Variants in ADAMTS17 observed in about 807,000 individuals in gnomAD.
ADAMTS17 encodes ADAM metallopeptidase with thrombospondin type 1 motif 17.
Under a neutral mutation model 141.5 loss-of-function variants are expected in ADAMTS17, and 113 were observed. The observed-to-expected ratio is 0.80, with a 90% CI of 0.69 to 0.93. ADAMTS17 has a LOEUF of 0.93. ADAMTS17 is among the 40% of genes least tolerant of loss of function. The pLI, the probability that ADAMTS17 is intolerant of heterozygous loss-of-function variation, is 0.00. For missense variants in ADAMTS17, 1,659 were observed against 1,517.9 expected, an observed-to-expected ratio of 1.09 and a Z score of -1.54; for synonymous variants, 768 against 630.6, an observed-to-expected ratio of 1.22 and a Z score of -3.27.
chr15:100,061,820 C>A (rs1160222823), intron 15 of ADAMTS17, among the ~76,000 whole-genome samples: 1 of 152,190 alleles, frequency 6.6e-6, no homozygotes, highest in African/African-American at 2.4e-5. Context: ...TCTTGGAATA[C>A]CCAGACTGCG....
At chr15:100,000,670 C>T (rs1482537496) in intron 18 of ADAMTS17, among the ~76,000 whole-genome samples, 3 of 152,090 alleles carry the variant, frequency 2.0e-5, no homozygotes, top group Non-Finnish European at 4.4e-5. Context: ...TGCGCCACCA[C>T]GCCTGACTAA....
intron 3 of ADAMTS17, among the ~76,000 whole-genome samples, chr15:100,292,755 G>A (rs554822540): frequency 3.3e-5 from 5 of 152,310 alleles, no homozygotes; most frequent in South Asian, 2.1e-4. Flanking sequence ...TTCCAGCCCA[G>A]GCATCCTTAT....
At position 100,265,194 on chromosome 15, in the gene ADAMTS17, C is replaced by T. The variant is rs927094869; in HGVS notation, c.790-2759G>A. Among the ~76,000 whole-genome samples the T allele has an allele frequency of 1.6e-3, 241 of 152,292 alleles. 1 individual carries two copies. The highest frequency in any genetic ancestry group is 2.6e-3 in the Non-Finnish European group (176 of 68,022). On this transcript the variant is annotated intron_variant, in intron 4 of 21. Transcript: ENST00000268070. The stretch of plus-strand genomic sequence containing the variant: ...ACAAGGCTCAGAGCACAGGGCAAGG[C>T]GCACGTTCAGAATCAACTGAGGTCC...
intron 18 of ADAMTS17, among the ~76,000 whole-genome samples, chr15:100,007,702 C>A (rs535376217): frequency 5.3e-5 from 8 of 151,940 alleles, no homozygotes; most frequent in African/African-American, 1.7e-4. Context: ...AGCTGGCCTG[C>A]GGTGGAAGGG....
At position 100,047,255 on chromosome 15, in the gene ADAMTS17, C is replaced by T. The variant is rs142079580; in HGVS notation, c.2591+1602G>A. Among the ~76,000 whole-genome samples, 141 of 131,912 alleles carry T rather than the reference C, an allele frequency of 1.1e-3. 1 individual carries two copies. Among genetic ancestry groups the T allele is most frequent in the African/African-American group, 4.5e-3 (138 of 30,596 alleles). The allele number at this position is 131,912 out of a possible 152,430, so 86.5% of individuals were successfully genotyped here. A position where few individuals can be genotyped will look rare whatever the true frequency, so the allele number is the denominator to read the frequency against. On this transcript the variant is annotated intron_variant, in intron 18 of 21. Transcript: ENST00000268070. Reference sequence around the variant, plus strand: ...AGACGTTATCAATGACAATGGTGCCCGAAACTTCATTAGCAATTTTTCGCC... The same window carrying T: ...AGACGTTATCAATGACAATGGTGCCTGAAACTTCATTAGCAATTTTTCGCC...
At chr15:99,985,047 C>T (rs976497529) in intron 20 of ADAMTS17, among the ~76,000 whole-genome samples, 4 of 152,248 alleles carry the variant, frequency 2.6e-5, no homozygotes, top group Admixed American at 1.3e-4. Context: ...TTTCCTGGGA[C>T]CTCGCTGCTC....
At chr15:100,199,917 G>A (rs1450516367) in intron 7 of ADAMTS17, among the ~76,000 whole-genome samples, 2 of 152,222 alleles carry the variant, frequency 1.3e-5, no homozygotes, top group Non-Finnish European at 2.9e-5. Flanking sequence ...GAGAGGGAGC[G>A]CCTCCTCACA....
Position 100,219,624 on chromosome 15 carries a change from T to C in ADAMTS17, c.1076-20201A>G, listed in dbSNP as rs185841682. ...TGCCTCCTAACGCATCCAGAGACCC[T>C]GGAATTTCACCTTCTAGTTGGCTCA... On this transcript the variant is annotated intron_variant, in intron 7 of 21. Transcript: ENST00000268070. 3.3e-3 allele frequency among the ~76,000 whole-genome samples: 497 copies of C among 152,300 alleles called. 2 individuals are homozygous for C. Among genetic ancestry groups the C allele is most frequent in the African/African-American group, 0.011 (461 of 41,564 alleles).
At chr15:100,120,093 C>G (rs1184175818) in intron 12 of ADAMTS17, among the ~76,000 whole-genome samples, 2 of 152,176 alleles carry the variant, frequency 1.3e-5, no homozygotes, top group African/African-American at 2.4e-5. Context: ...ATTATCAGAG[C>G]TGATCTTAAA....
rs988215214 is a variant in ADAMTS17 at position 99,994,810 on chromosome 15, C to T, written c.2797-1610G>A. On this transcript the variant is annotated intron_variant, in intron 19 of 21. Transcript: ENST00000268070. ...TCAATCTCCTGACTCGTGATCCACCCGACTTGGCCTCCCAAAGTGCTGGGA... is the reference window on the plus strand; with the variant it reads ...TCAATCTCCTGACTCGTGATCCACCTGACTTGGCCTCCCAAAGTGCTGGGA... Among the ~76,000 whole-genome samples the T allele has an allele frequency of 5.9e-5, 9 of 152,342 alleles. No individual in the cohort carries two copies. The East Asian group carries it at 9.6e-4, about 16-fold the overall frequency.
In ADAMTS17 at chr15:100,228,807, C is replaced by G. The variant is rs187975703; in HGVS notation, c.1075+25329G>C. Among the ~76,000 whole-genome samples the G allele has an allele frequency of 4.5e-3, 690 of 152,286 alleles. 4 individuals carry two copies. The highest frequency in any genetic ancestry group is 0.015 in the African/African-American group (635 of 41,570). On this transcript the variant is annotated intron_variant, in intron 7 of 21. Coordinates refer to ENST00000268070, the MANE Select transcript of ADAMTS17 (RefSeq NM_139057.4). ...CCAATGGTCTGGGGGAAGGAGCTGG[C>G]CTGCTCACTAGCCCCCCAACCCCAG...
intron 15 of ADAMTS17, among the ~76,000 whole-genome samples, chr15:100,093,288 G>A (rs527379834): frequency 4.4e-4 from 67 of 152,268 alleles, no homozygotes; most frequent in Non-Finnish European, 8.8e-4. Context: ...AGGAACTTTG[G>A]TAAGAGGACC....
intron 6 of ADAMTS17, among the ~76,000 whole-genome samples, chr15:100,254,575 G>C (rs117053084): frequency 0.014 from 2,145 of 152,284 alleles, 21 homozygotes; most frequent in Middle Eastern, 0.041. Flanking sequence ...GCAGCAACTG[G>C]TTTTTGATGC....
At chr15:100,194,629 T>G (rs971018792) in intron 8 of ADAMTS17, among the ~76,000 whole-genome samples, 4 of 152,104 alleles carry the variant, frequency 2.6e-5, no homozygotes, top group African/African-American at 9.7e-5. Flanking sequence ...CCAACCAGAG[T>G]TGAGCCTGAA....
intron 18 of ADAMTS17, among the ~76,000 whole-genome samples, chr15:100,025,027 C>T (rs1202253998): frequency 2.0e-5 from 3 of 152,194 alleles, no homozygotes; most frequent in African/African-American, 4.8e-5. Flanking sequence ...ATCACACAGT[C>T]AGGGAGATCG....
intron 7 of ADAMTS17, among the ~76,000 whole-genome samples, chr15:100,207,349 A>G (rs1209878312): frequency 1.3e-5 from 2 of 152,158 alleles, no homozygotes; most frequent in African/African-American, 2.4e-5. Context: ...CCAGACCCAT[A>G]AGGAATAACT....
chr15:100,115,245 C>T (rs2037041028), intron 13 of ADAMTS17, among the ~76,000 whole-genome samples: 2 of 152,210 alleles, frequency 1.3e-5, no homozygotes, highest in South Asian at 4.1e-4. Flanking sequence ...CCTCCTGCAT[C>T]CGACTCACAG....
intron 8 of ADAMTS17, among the ~76,000 whole-genome samples, chr15:100,173,166 T>C (rs1478780267): frequency 6.6e-6 from 1 of 152,210 alleles, no homozygotes; most frequent in Admixed American, 6.5e-5. Context: ...GTACTCCATT[T>C]TTCTAAGATA....
chr15:100,262,488 T>G, intron 4 of ADAMTS17, 53 bp from the exon 5 acceptor site: 3 of 1,401,442 alleles, frequency 2.1e-6, no homozygotes, highest in Non-Finnish European at 2.0e-6. Context: ...ATTTTAAAAA[T>G]ACAGTAGTAT....
Sources: allele counts gnomAD v4.1 joint callset (sites outside exome capture counted in the v4.1 genomes callset), GRCh38; gene constraint gnomAD v4.1.1; transcripts MANE v1.5; gene names NCBI Gene and HGNC (gene_info 2026-07-23, HGNC 2026-07-21).